Variants in CSNK1G1 observed in about 807,000 individuals in gnomAD.
The protein encoded by CSNK1G1 is casein kinase 1 gamma 1.
In CSNK1G1, 22 loss-of-function variants were observed where a neutral mutation model predicts 59.6. The ratio of observed to expected loss-of-function variants is 0.37; its 90% CI spans 0.26 to 0.53. CSNK1G1 has a LOEUF of 0.53. Ranked by LOEUF, CSNK1G1 falls within the 20% of genes least tolerant of loss-of-function variation. CSNK1G1 has a pLI of 0.89. For missense variants in CSNK1G1, 384 were observed against 519.5 expected, an observed-to-expected ratio of 0.74 and a Z score of 2.54; for synonymous variants, 179 against 177.1, an observed-to-expected ratio of 1.01 and a Z score of -0.08.
chr15:64,290,933 C>T (rs1250778595), intron 2 of CSNK1G1, among the ~76,000 whole-genome samples: 1 of 152,062 alleles, frequency 6.6e-6, no homozygotes, highest in Admixed American at 6.6e-5. Flanking sequence ...AGGCTGGTCT[C>T]CAACTCCTGA....
At chr15:64,317,252 C>G (rs887861258) in intron 1 of CSNK1G1, among the ~76,000 whole-genome samples, 3 of 152,134 alleles carry the variant, frequency 2.0e-5, no homozygotes, top group African/African-American at 7.2e-5. Flanking sequence ...CTACGCCCGG[C>G]TAATTTTTCT....
intron 2 of CSNK1G1, among the ~76,000 whole-genome samples, chr15:64,280,480 A>G (rs1487170657): frequency 6.6e-6 from 1 of 151,824 alleles, no homozygotes; most frequent in Non-Finnish European, 1.5e-5. Context: ...GCTCACTGCA[A>G]CCTTAGCTTC....
At chr15:64,352,591 A>G (rs1263723282) in intron 1 of CSNK1G1, among the ~76,000 whole-genome samples, 2 of 149,832 alleles carry the variant, frequency 1.3e-5, no homozygotes, top group Non-Finnish European at 3.0e-5. Flanking sequence ...GATTACAGGC[A>G]TGCTCCATCA....
chr15:64,228,508 C>T lies in CSNK1G1; in HGVS notation c.293-11795G>A, dbSNP rs139309246. On this transcript the variant is annotated intron_variant, in intron 4 of 11. Coordinates refer to ENST00000303052, the MANE Select transcript of CSNK1G1 (RefSeq NM_022048.5). ...AGAATTAGCTGGGCGTGGTGGCGCA[C>T]GCCTGTATTCCCAGCTACTGGGGAG... Among the ~76,000 whole-genome samples the T allele has an allele frequency of 3.7e-3, 558 of 152,152 alleles. 2 individuals carry two copies. Among genetic ancestry groups the T allele is most frequent in the Middle Eastern group, 0.017 (5 of 294 alleles).
chr15:64,345,827 CTG>C (rs1487136354), intron 1 of CSNK1G1, among the ~76,000 whole-genome samples: 1 of 152,074 alleles, frequency 6.6e-6, no homozygotes, highest in Admixed American at 6.5e-5. Flanking sequence ...GAGTCTCACT[CTG>C]TCGCTAGGCT....
chr15:64,312,394 G>T (rs1395828555), intron 1 of CSNK1G1, among the ~76,000 whole-genome samples: 1 of 152,108 alleles, frequency 6.6e-6, no homozygotes, highest in Admixed American at 6.6e-5. Context: ...ATGGTACTGG[G>T]ACCAAAACAG....
intron 4 of CSNK1G1, among the ~76,000 whole-genome samples, chr15:64,248,996 G>T (rs578013721): frequency 6.6e-6 from 1 of 152,158 alleles, no homozygotes; most frequent in African/African-American, 2.4e-5. Context: ...GGTGGCGGGC[G>T]CCTGTAGGCC....
chr15:64,323,790 T>A (rs189019420), intron 1 of CSNK1G1, among the ~76,000 whole-genome samples: 210 of 152,312 alleles, frequency 1.4e-3, no homozygotes, highest in African/African-American at 4.7e-3. Flanking sequence ...TCTATAGCTA[T>A]GTGGAAATGC....
intron 4 of CSNK1G1, among the ~76,000 whole-genome samples, chr15:64,249,695 T>C (rs1891967354): frequency 6.6e-6 from 1 of 152,228 alleles, no homozygotes; most frequent in Non-Finnish European, 1.5e-5. Context: ...AAGCAATTTG[T>C]ATAGTCACCT....
At chr15:64,331,841 A>G (rs1342444386) in intron 1 of CSNK1G1, among the ~76,000 whole-genome samples, 1 of 149,868 alleles carries the variant, frequency 6.7e-6, no homozygotes. Flanking sequence ...GAAAAAAACA[A>G]CCCCATCAAA....
chr15:64,265,951 G>GT (rs1439326434), intron 2 of CSNK1G1: 1 of 403,412 alleles, frequency 2.5e-6, no homozygotes, highest in Admixed American at 2.9e-5. Context: ...AGGTGTAGGG[G>GT]TAAGTGCCTA....
At chr15:64,193,164 T>A (rs1331050827) in intron 10 of CSNK1G1, among the ~76,000 whole-genome samples, 1 of 152,078 alleles carries the variant, frequency 6.6e-6, no homozygotes, top group Non-Finnish European at 1.5e-5. Context: ...TTTTTTCTTT[T>A]ATGATATGGT....
chr15:64,225,631 T>C (rs2082450030), intron 4 of CSNK1G1, among the ~76,000 whole-genome samples: 1 of 152,092 alleles, frequency 6.6e-6, no homozygotes, highest in South Asian at 2.1e-4. Context: ...CCATGATCTT[T>C]TGTTGTTGTT....
At chr15:64,343,236 C>CACACACACACACA (rs1555405238) in intron 1 of CSNK1G1, among the ~76,000 whole-genome samples, 5 of 150,706 alleles carry the variant, frequency 3.3e-5, no homozygotes, top group Admixed American at 6.6e-5. Flanking sequence ...CACACACACA[C>CACACACACACACA]CTCTTCTAAA....
At chr15:64,290,025 C>T (rs1374970380) in intron 2 of CSNK1G1, among the ~76,000 whole-genome samples, 2 of 152,078 alleles carry the variant, frequency 1.3e-5, no homozygotes, top group Admixed American at 6.6e-5. Flanking sequence ...CTTTTACACT[C>T]CTAAGAATGG....
chr15:64,353,297 T>C (rs888566546), intron 1 of CSNK1G1, among the ~76,000 whole-genome samples: 12 of 152,124 alleles, frequency 7.9e-5, no homozygotes, highest in African/African-American at 2.9e-4. Flanking sequence ...GCTGAAAATC[T>C]GACATATAAT....
At chr15:64,246,542 G>C (rs1891763566) in intron 4 of CSNK1G1, among the ~76,000 whole-genome samples, 1 of 143,952 alleles carries the variant, frequency 6.9e-6, no homozygotes, top group Non-Finnish European at 1.5e-5. Flanking sequence ...AGGATGACTA[G>C]AGCCAAAGAA....
chr15:64,300,816 G>T, intron 1 of CSNK1G1, 93 bp from the exon 2 acceptor site: 1 of 748,936 alleles, frequency 1.3e-6, no homozygotes, highest in Non-Finnish European at 1.8e-6. Context: ...CTATCCAAAG[G>T]TGAGCAAAAT....
At chr15:64,219,185 A>G (rs995243223) in intron 4 of CSNK1G1, among the ~76,000 whole-genome samples, 94 of 152,012 alleles carry the variant, frequency 6.2e-4, no homozygotes, top group African/African-American at 2.1e-3. Context: ...GGTTGTTTTG[A>G]AGAAGTCATT....
Sources: allele counts gnomAD v4.1 joint callset (sites outside exome capture counted in the v4.1 genomes callset), GRCh38; gene constraint gnomAD v4.1.1; transcripts MANE v1.5; gene names NCBI Gene and HGNC (gene_info 2026-07-23, HGNC 2026-07-21).